Variants in EXT1 observed in about 807,000 individuals in gnomAD.
EXT1 encodes the protein exostosin-1.
Under a neutral mutation model 82.5 loss-of-function variants are expected in EXT1, and 20 were observed. The observed-to-expected ratio is 0.24, with a 90% CI of 0.17 to 0.35. The LOEUF is 0.35. EXT1 is among the 10% of genes least tolerant of loss of function. The pLI, the probability that EXT1 is intolerant of heterozygous loss-of-function variation, is 1.00. For synonymous variants in EXT1, 348 were observed against 350.8 expected (o/e 0.99, Z 0.09); for missense variants, 757 against 936.5 (o/e 0.81, Z 2.50).
chr8:117,828,784 C>T (rs1812049220), intron 4 of EXT1, among the ~76,000 whole-genome samples: 1 of 152,044 alleles, frequency 6.6e-6, no homozygotes, highest in Admixed American at 6.6e-5. Context: ...CTTAAACAGC[C>T]CCTTTTACCC....
chr8:117,809,626 G>A (rs1823291290), intron 8 of EXT1, among the ~76,000 whole-genome samples: 1 of 129,864 alleles, frequency 7.7e-6, no homozygotes. Flanking sequence ...GGCAGAGTGA[G>A]ACTCCGTCAA....
chr8:118,089,729 C>G (rs183293245), intron 1 of EXT1, among the ~76,000 whole-genome samples: 21 of 152,250 alleles, frequency 1.4e-4, no homozygotes, highest in African/African-American at 5.1e-4. Flanking sequence ...TAAAATTGAG[C>G]TTCTGAGATG....
At chr8:117,871,251 C>T (rs17503900) in intron 1 of EXT1, among the ~76,000 whole-genome samples, 50,095 of 152,076 alleles carry the variant, frequency 0.33, 8,658 homozygotes, top group East Asian at 0.45. Context: ...ATTTTGAGAG[C>T]ATGGAACCTT....
At chr8:117,852,180 C>A (rs1812466692) in intron 1 of EXT1, among the ~76,000 whole-genome samples, 1 of 152,152 alleles carries the variant, frequency 6.6e-6, no homozygotes, top group African/African-American at 2.4e-5. Context: ...TGAACTGAGG[C>A]ATTGTGACTT....
chr8:117,961,853 T>A (rs1250715732), intron 1 of EXT1, among the ~76,000 whole-genome samples: 3 of 152,170 alleles, frequency 2.0e-5, no homozygotes, highest in Non-Finnish European at 4.4e-5. Flanking sequence ...ACTCCTTTCA[T>A]GGTCGCCTTG....
At chr8:118,028,128 G>C (rs899908600) in intron 1 of EXT1, among the ~76,000 whole-genome samples, 1 of 152,212 alleles carries the variant, frequency 6.6e-6, no homozygotes, top group African/African-American at 2.4e-5. Flanking sequence ...CCCTTGTGTT[G>C]AGGATAACAA....
rs1817899047 is a variant in EXT1, at chr8:118,111,297, T to C, written c.-251A>G. 1.6e-6 allele frequency: 1 copy of C among 615,874 alleles called. No homozygotes were observed. Among genetic ancestry groups the C allele is most frequent in the Admixed American group, 2.9e-5 (1 of 34,712 alleles). 38.2% of individuals were successfully genotyped at this position (615,874 alleles called of 1,614,324 possible). A position where few individuals can be genotyped will look rare whatever the true frequency, so the allele number is the denominator to read the frequency against. ...GCACGGGAGAGAGCGGGGCTGAATA[T>C]CTCGCACCCAGGGCGGGCGAGCAGC... On this transcript the variant is annotated 5_prime_UTR_variant, in exon 1 of 11. Transcript: ENST00000378204.
At position 118,110,906 on chromosome 8, in the gene EXT1, G is replaced by A. The variant is rs753622851; in HGVS notation, c.141C>T (p.His47=). ...GCCAGAAATGATCCGGACTGGGGTG[G>A]TGCAAGCCATTCCTACCGCTGTGTT... The part of the protein sequence containing the change: ...REEHSGRNGL[H]HPSPDHFWPR... The change falls in exon 1 of 11, where the codon CAC becomes CAT. Residue 47 remains histidine, a synonymous_variant. Coordinates refer to ENST00000378204, the MANE Select transcript of EXT1 (RefSeq NM_000127.3). 16 of 1,614,038 alleles carry A rather than the reference G, an allele frequency of 9.9e-6. No homozygotes were observed. In the East Asian group the frequency reaches 1.3e-4, roughly 13 times the overall value.
chr8:118,100,660 C>T (rs752767980), intron 1 of EXT1, among the ~76,000 whole-genome samples: 3 of 151,946 alleles, frequency 2.0e-5, no homozygotes, highest in Non-Finnish European at 4.4e-5. Context: ...GCAGCAGAAT[C>T]GCTTGAACCC....
rs192013914 is a variant in EXT1 at position 117,796,089 on chromosome 8, G to A, written c.*3623C>T. 4 of 152,304 alleles carry A rather than the reference G, an allele frequency of 2.6e-5. No individual in the cohort carries two copies. The highest frequency in any genetic ancestry group is 1.9e-4 in the East Asian group (1 of 5,184). The allele number at this position is 152,304 out of a possible 1,614,324, so 9.4% of individuals were successfully genotyped here. A position where few individuals can be genotyped will look rare whatever the true frequency, so the allele number is the denominator to read the frequency against. ...TGAATTCAGCAACTGCGGTCCTGAT[G>A]TACTGGCTGCATGTTGATTATATTC... On this transcript the variant is annotated 3_prime_UTR_variant, in exon 11 of 11. Coordinates refer to ENST00000378204, the MANE Select transcript of EXT1 (RefSeq NM_000127.3).
intron 1 of EXT1, among the ~76,000 whole-genome samples, chr8:117,926,720 A>G (rs930129987): frequency 7.2e-5 from 11 of 152,162 alleles, no homozygotes; most frequent in Non-Finnish European, 1.6e-4. Context: ...AGACAGTTCA[A>G]CTCTGTCAGC....
At chr8:117,833,402 G>C (rs1812133692) in intron 3 of EXT1, among the ~76,000 whole-genome samples, 1 of 152,088 alleles carries the variant, frequency 6.6e-6, no homozygotes, top group Non-Finnish European at 1.5e-5. Flanking sequence ...GGATCACGAG[G>C]TCAGGAGTTC....
At chr8:118,025,673 G>A (rs1339386960) in intron 1 of EXT1, among the ~76,000 whole-genome samples, 1 of 152,146 alleles carries the variant, frequency 6.6e-6, no homozygotes, top group Non-Finnish European at 1.5e-5. Context: ...TAAATGATGG[G>A]GCTGTGAACC....
intron 1 of EXT1, among the ~76,000 whole-genome samples, chr8:118,003,213 G>C (rs148044081): frequency 7.4e-4 from 113 of 152,138 alleles, no homozygotes; most frequent in African/African-American, 2.7e-3. Context: ...AGGTTGCAAC[G>C]GCATAAGAAT....
At chr8:118,018,806 G>A (rs1389137632) in intron 1 of EXT1, among the ~76,000 whole-genome samples, 1 of 152,142 alleles carries the variant, frequency 6.6e-6, no homozygotes, top group African/African-American at 2.4e-5. Context: ...TCCAAATTTT[G>A]TCACGCAACC....
chr8:118,015,791 T>A (rs1157258375), intron 1 of EXT1, among the ~76,000 whole-genome samples: 1 of 152,212 alleles, frequency 6.6e-6, no homozygotes, highest in Admixed American at 6.5e-5. Flanking sequence ...CACCCCAGCC[T>A]GGAGTGGGGA....
chr8:117,806,351 G>A (rs1341171153), intron 9 of EXT1, among the ~76,000 whole-genome samples: 2 of 152,118 alleles, frequency 1.3e-5, no homozygotes, highest in Admixed American at 1.3e-4. Context: ...GGACATCAAG[G>A]TCCTGCAGGA....
At chr8:117,943,001 A>G (rs993914345) in intron 1 of EXT1, among the ~76,000 whole-genome samples, 8 of 152,194 alleles carry the variant, frequency 5.3e-5, no homozygotes, top group African/African-American at 1.7e-4. Flanking sequence ...AATACAAAGA[A>G]TCTTGTTGCT....
intron 1 of EXT1, among the ~76,000 whole-genome samples, chr8:118,040,727 C>G (rs1162011082): frequency 6.6e-6 from 1 of 152,244 alleles, no homozygotes; most frequent in Non-Finnish European, 1.5e-5. Context: ...AATAAGCTCC[C>G]TGGGCAGGGA....
Sources: allele counts gnomAD v4.1 joint callset (sites outside exome capture counted in the v4.1 genomes callset), GRCh38; gene constraint gnomAD v4.1.1; transcripts MANE v1.5; gene names NCBI Gene and HGNC (gene_info 2026-07-23, HGNC 2026-07-21).